The following LATS2 variants were observed in gnomAD, a reference collection of about 807,000 sequenced individuals.
LATS2 encodes the protein serine/threonine-protein kinase LATS2.
Under a neutral mutation model 76.0 loss-of-function variants are expected in LATS2, and 24 were observed. The observed-to-expected ratio is 0.32, with a 90% confidence interval of 0.23 to 0.44. The LOEUF is 0.44. Ranked by LOEUF, LATS2 falls within the 20% of genes least tolerant of loss-of-function variation. The pLI, the probability that LATS2 is intolerant of heterozygous loss-of-function variation, is 1.00. For missense variants in LATS2, 1,286 were observed against 1,481.2 expected (o/e 0.87, Z 2.16); for synonymous variants, 692 against 635.4 (o/e 1.09, Z -1.34).
Position 20,974,870 on chromosome 13 carries a change from C to G in LATS2, c.3267G>C (p.Ter1089TyrextTer34), listed in dbSNP as rs1869521961. 4 of 1,604,224 alleles carry G rather than the reference C, an allele frequency of 2.5e-6. No individual in the cohort carries two copies. Among genetic ancestry groups the G allele is most frequent in the Non-Finnish European group, 3.4e-6 (4 of 1,174,580 alleles). ...AGTGGTGGGGGTGCCTGGCCCCCAT[C>G]TACACGTACACAGGCTGGCAGCCTT... is the stretch of plus-strand genomic sequence containing the variant. ...QTEGCQPVYV[*>Y] The change falls in exon 8 of 8, where the codon TAG becomes TAC. Residue 1089 changes from the stop codon to tyrosine (Y), a stop_lost. Transcript: ENST00000382592.
At chr13:20,994,721 C>A (rs1355147050) in intron 2 of LATS2, among the ~76,000 whole-genome samples, 2 of 151,968 alleles carry the variant, frequency 1.3e-5, no homozygotes, top group African/African-American at 4.8e-5. Flanking sequence ...ACAGTGAGAC[C>A]CCGTCTCTAC....
chr13:20,989,412 T>TCGAG (rs1870411766), intron 3 of LATS2, 108 bp from the exon 4 acceptor site: 1 of 1,172,004 alleles, frequency 8.5e-7, no homozygotes, highest in Admixed American at 2.0e-5. Context: ...CTGAGGGTCT[T>TCGAG]GAACCCTGGG....
intron 1 of LATS2, among the ~76,000 whole-genome samples, chr13:21,053,614 G>C (rs1873352614): frequency 6.6e-6 from 1 of 152,126 alleles, no homozygotes; most frequent in South Asian, 2.1e-4. Context: ...GGTGATAAAG[G>C]AGAACGAAGC....
At position 20,993,471 on chromosome 13, in the gene LATS2, T is replaced by G. The variant is rs542882430; in HGVS notation, c.343-2067A>C. Among the ~76,000 whole-genome samples the G allele has an allele frequency of 5.9e-5, 9 of 152,090 alleles. No individual in the cohort carries two copies. The South Asian group carries it at 1.9e-3, about 32-fold the overall frequency. On this transcript the variant is annotated intron_variant, in intron 2 of 7. Coordinates refer to ENST00000382592, the MANE Select transcript of LATS2 (RefSeq NM_014572.3). ...GTTCTTAGCAATGCAGGCGTGGGCATGGCAAGATGGCAGGGACAGGCAAGG... is the reference window on the plus strand; with the variant it reads ...GTTCTTAGCAATGCAGGCGTGGGCAGGGCAAGATGGCAGGGACAGGCAAGG...
Position 20,991,184 on chromosome 13 carries a change from C to G in LATS2, c.475+88G>C. The G allele has an allele frequency of 2.0e-6, 3 of 1,523,148 alleles. No individual in the cohort carries two copies. The highest frequency in any genetic ancestry group is 2.7e-6 in the Non-Finnish European group (3 of 1,111,494). The allele number at this position is 1,523,148 out of a possible 1,614,324, so 94.4% of individuals were successfully genotyped here. A position where few individuals can be genotyped will look rare whatever the true frequency, so the allele number is the denominator to read the frequency against. On this transcript the variant is annotated intron_variant, in intron 3 of 7. Transcript: ENST00000382592. This position sits in a 1 kb window ranked among gnomAD's most constrained non-coding sequence, Gnocchi z 4.9. ...GCCAGGAGACTGGCTCTGGCCAGGC[C>G]AGGCCAGGTTGGACCCCTCTGCACG... is the stretch of plus-strand genomic sequence containing the variant.
chr13:21,007,723 G>A (rs1465226992), intron 2 of LATS2, among the ~76,000 whole-genome samples: 1 of 2,264 alleles, frequency 4.4e-4, no homozygotes, highest in Non-Finnish European at 8.0e-4. Context: ...TATATATATA[G>A]TATATATATA....
rs943515032 is a variant in LATS2 at position 20,974,208 on chromosome 13, T to G, written c.*662A>C. ...TGGTAATTTTATAATAGAAGAACTC[T>G]GCTCATGCAGTACTCTCCACACACC... On this transcript the variant is annotated 3_prime_UTR_variant, in exon 8 of 8. Coordinates refer to ENST00000382592, the MANE Select transcript of LATS2 (RefSeq NM_014572.3). 2 of 224,824 alleles carry G rather than the reference T, an allele frequency of 8.9e-6. No individual in the cohort carries two copies. Among genetic ancestry groups the G allele is most frequent in the African/African-American group, 4.5e-5 (2 of 44,726 alleles). The allele number at this position is 224,824 out of a possible 1,614,324, so 13.9% of individuals were successfully genotyped here.
At chr13:20,990,291 C>A (rs1870449171) in intron 3 of LATS2, among the ~76,000 whole-genome samples, 1 of 149,646 alleles carries the variant, frequency 6.7e-6, no homozygotes, top group African/African-American at 2.5e-5. Context: ...ACATGGATGG[C>A]CAGCTGGGGG....
At chr13:21,035,292 C>A (rs894632123) in intron 2 of LATS2, among the ~76,000 whole-genome samples, 1 of 151,620 alleles carries the variant, frequency 6.6e-6, no homozygotes, top group Non-Finnish European at 1.5e-5. Flanking sequence ...TTCATCATAA[C>A]CCTAGTAAAA....
intron 1 of LATS2, among the ~76,000 whole-genome samples, chr13:21,049,099 T>C (rs188397322): frequency 1.3e-5 from 2 of 152,290 alleles, no homozygotes; most frequent in East Asian, 3.9e-4. Flanking sequence ...AAGAAGCCTT[T>C]AGGCTCCACC....
chr13:21,053,458 T>C (rs983970120), intron 1 of LATS2, among the ~76,000 whole-genome samples: 1 of 151,982 alleles, frequency 6.6e-6, no homozygotes, highest in Non-Finnish European at 1.5e-5. Context: ...AGCATCCTGT[T>C]TGGTTTACCC....
Position 21,045,729 on chromosome 13 carries a change from TCACTTCTG to T in LATS2, c.290_297del (p.Ala97GlufsTer48). 1 of 1,614,220 alleles carries T rather than the reference TCACTTCTG, an allele frequency of 6.2e-7. No homozygotes were observed. The highest frequency in any genetic ancestry group is 8.5e-7 in the Non-Finnish European group (1 of 1,180,028). ...ACCAGTTCCTGCAGCATTTGCCGGT[TCACTTCTG>T]CAGCTGCAGAGGTGCCCGATTCATT... is the stretch of plus-strand genomic sequence containing the variant. On this transcript the variant is annotated frameshift_variant, in exon 2 of 8. Coordinates refer to ENST00000382592, the MANE Select transcript of LATS2 (RefSeq NM_014572.3). LOFTEE classifies it high-confidence loss of function.
intron 2 of LATS2, among the ~76,000 whole-genome samples, chr13:21,010,147 C>T (rs1018613762): frequency 1.3e-5 from 2 of 152,060 alleles, no homozygotes; most frequent in Admixed American, 6.6e-5. Context: ...TCGCAGTGAG[C>T]CAAGATCGCA....
intron 2 of LATS2, among the ~76,000 whole-genome samples, chr13:21,009,997 C>T (rs896038044): frequency 6.6e-6 from 1 of 152,040 alleles, no homozygotes; most frequent in Non-Finnish European, 1.5e-5. Context: ...GTCAGGTGTT[C>T]GAGACCAGCC....
chr13:21,024,587 A>C (rs887434332), intron 2 of LATS2, among the ~76,000 whole-genome samples: 1 of 149,656 alleles, frequency 6.7e-6, no homozygotes, highest in African/African-American at 2.5e-5. Context: ...CGCCTCACGG[A>C]TGACATCTCA....
intron 2 of LATS2, among the ~76,000 whole-genome samples, chr13:21,017,427 G>C (rs1871846865): frequency 6.6e-6 from 1 of 151,802 alleles, no homozygotes; most frequent in Non-Finnish European, 1.5e-5. Flanking sequence ...CACCAGCCTC[G>C]GCCTCTCAAG....
intron 2 of LATS2, among the ~76,000 whole-genome samples, chr13:21,017,079 T>A (rs1871829917): frequency 6.6e-6 from 1 of 152,136 alleles, no homozygotes; most frequent in African/African-American, 2.4e-5. Flanking sequence ...TTACCCAGAT[T>A]TCTAAGGACT....
intron 1 of LATS2, among the ~76,000 whole-genome samples, chr13:21,049,879 C>T (rs1034865889): frequency 1.6e-4 from 25 of 151,994 alleles, no homozygotes; most frequent in African/African-American, 5.6e-4. Flanking sequence ...CCAGCTCTTT[C>T]GGATGCCGAG....
At chr13:21,013,633 T>C (rs1217909873) in intron 2 of LATS2, among the ~76,000 whole-genome samples, 1 of 152,168 alleles carries the variant, frequency 6.6e-6, no homozygotes, top group Admixed American at 6.6e-5. Flanking sequence ...GAAATGTCCT[T>C]TTTCTTGTCC....
Sources: gnomAD v4.1 joint callset for allele counts (sites outside exome capture counted in the v4.1 genomes callset) on GRCh38, gnomAD v4.1.1 for gene constraint, Gnocchi (gnomAD v3.1) non-coding constraint, MANE v1.5 for transcripts, NCBI Gene and HGNC (gene_info 2026-07-23, HGNC 2026-07-21) for gene names.